Variants in LMX1A observed in about 807,000 individuals in gnomAD.
The protein encoded by LMX1A is LIM homeobox transcription factor 1-alpha.
A neutral mutation model predicts 49.1 loss-of-function variants in LMX1A; 15 were observed. That is an observed-to-expected ratio of 0.31 (90% confidence interval 0.20 to 0.47). The LOEUF (loss-of-function observed/expected upper bound fraction) is 0.47, where lower values mean the gene tolerates loss of function less well. Among genes scored for constraint, LMX1A ranks in the 20% least tolerant of loss-of-function variants. The pLI is 1.00. For synonymous variants in LMX1A, 167 were observed against 185.7 expected (o/e 0.90, Z 0.82); for missense variants, 372 against 475.8 (o/e 0.78, Z 2.03).
intron 3 of LMX1A, among the ~76,000 whole-genome samples, chr1:165,295,750 A>G (rs2101719892): frequency 6.6e-6 from 1 of 152,264 alleles, no homozygotes; most frequent in Middle Eastern, 3.4e-3. Flanking sequence ...CCTGCTGTTT[A>G]AGGAGAGGAT....
In LMX1A at chr1:165,205,854, T is replaced by A; in HGVS notation, c.988+10A>T. On this transcript the variant is annotated intron_variant, in intron 8 of 8. Coordinates refer to ENST00000342310, the MANE Select transcript of LMX1A (RefSeq NM_177398.4). Reference sequence around the variant, plus strand: ...TATGAGAGGGCCCGAGGGGCTTAAGTCCCTCTTACCATAAGGGTGCATGTG... The same window carrying A: ...TATGAGAGGGCCCGAGGGGCTTAAGACCCTCTTACCATAAGGGTGCATGTG... The A allele has an allele frequency of 6.2e-7, 1 of 1,613,062 alleles. No homozygotes were observed. The highest frequency in any genetic ancestry group is 8.5e-7 in the Non-Finnish European group (1 of 1,179,416).
chr1:165,220,570 G>A (rs551209669), intron 4 of LMX1A, among the ~76,000 whole-genome samples: 2 of 152,306 alleles, frequency 1.3e-5, no homozygotes, highest in South Asian at 4.1e-4. Flanking sequence ...AAGACACAGG[G>A]CATAGGTGGC....
rs190276100 is a variant in LMX1A at position 165,248,204 on chromosome 1, G to A, written c.496+1204C>T. 2.0e-5 allele frequency among the ~76,000 whole-genome samples: 3 copies of A among 152,318 alleles called. No homozygotes were observed. The South Asian group carries it at 6.2e-4, about 32-fold the overall frequency. Reference sequence around the variant, plus strand: ...AAGCTAGCAGGACAAAAGAGAGAGGGAAAGAGGCTGAAAAGGAATAGACTT... The same window carrying A: ...AAGCTAGCAGGACAAAAGAGAGAGGAAAAGAGGCTGAAAAGGAATAGACTT... On this transcript the variant is annotated intron_variant, in intron 4 of 8. Coordinates refer to ENST00000342310, the MANE Select transcript of LMX1A (RefSeq NM_177398.4).
intron 4 of LMX1A, among the ~76,000 whole-genome samples, chr1:165,235,418 A>ACACG (rs1262066868): frequency 1.4e-3 from 192 of 134,788 alleles, no homozygotes; most frequent in African/African-American, 4.4e-3. Flanking sequence ...ACACACACAC[A>ACACG]CACACTCACA....
At position 165,274,745 on chromosome 1, in the gene LMX1A, G is replaced by A. The variant is rs565204264; in HGVS notation, c.264-25105C>T. 6.6e-5 allele frequency among the ~76,000 whole-genome samples: 10 copies of A among 152,250 alleles called. No homozygotes were observed. The Middle Eastern group carries it at 0.014, about 207-fold the overall frequency. The stretch of plus-strand genomic sequence containing the variant: ...TTGCCATGGCGGTCACGGATGTAAC[G>A]TGCCATGAAGGTAAAACGTGAAATT... On this transcript the variant is annotated intron_variant, in intron 3 of 8. Transcript: ENST00000342310.
intron 3 of LMX1A, among the ~76,000 whole-genome samples, chr1:165,318,234 G>A (rs1655278428): frequency 6.6e-6 from 1 of 152,156 alleles, no homozygotes; most frequent in Admixed American, 6.5e-5. Flanking sequence ...TGAGGAAAGA[G>A]CAGTTTACTA....
rs915270274 is a variant in LMX1A at position 165,257,764 on chromosome 1, C to A, written c.264-8124G>T. ...AGTCCACCCAGAGAGAGGCTAAGAT[C>A]TTCATCAACCTCATCCCAAAGTCCT... is the stretch of plus-strand genomic sequence containing the variant. On this transcript the variant is annotated intron_variant, in intron 3 of 8. Transcript: ENST00000342310. Among the ~76,000 whole-genome samples, 4 of 152,204 alleles carry A rather than the reference C, an allele frequency of 2.6e-5. No individual in the cohort carries two copies. In the East Asian group the frequency reaches 7.7e-4, roughly 29 times the overall value.
intron 3 of LMX1A, among the ~76,000 whole-genome samples, chr1:165,288,314 G>A (rs1415726083): frequency 1.3e-5 from 2 of 152,198 alleles, no homozygotes; most frequent in African/African-American, 4.8e-5. Flanking sequence ...GGGGCAGAAA[G>A]GTGTCTCGGG....
chr1:165,227,693 G>C (rs1490817077), intron 4 of LMX1A, among the ~76,000 whole-genome samples: 2 of 152,064 alleles, frequency 1.3e-5, no homozygotes, highest in East Asian at 3.9e-4. Flanking sequence ...CCAAATTTCA[G>C]CTTCCTGTAC....
intron 3 of LMX1A, among the ~76,000 whole-genome samples, chr1:165,280,795 T>C (rs1352918013): frequency 6.6e-6 from 1 of 152,126 alleles, no homozygotes; most frequent in African/African-American, 2.4e-5. Flanking sequence ...ACTTTATTAT[T>C]ACTCAATGCA....
chr1:165,259,806 A>G (rs1653369535), intron 3 of LMX1A, among the ~76,000 whole-genome samples: 3 of 152,236 alleles, frequency 2.0e-5, no homozygotes, highest in Admixed American at 6.5e-5. Flanking sequence ...CAGGCTCTTA[A>G]GCAGTGTTCT....
At chr1:165,347,046 G>T (rs745309028) in intron 3 of LMX1A, among the ~76,000 whole-genome samples, 1 of 152,144 alleles carries the variant, frequency 6.6e-6, no homozygotes, top group African/African-American at 2.4e-5. Flanking sequence ...CAATGATAAC[G>T]TAACTAATTT....
intron 4 of LMX1A, among the ~76,000 whole-genome samples, chr1:165,228,888 C>A (rs1364402888): frequency 2.0e-5 from 3 of 152,084 alleles, no homozygotes; most frequent in African/African-American, 7.2e-5. Flanking sequence ...GAACTGGATA[C>A]CTTATCATCT....
At position 165,356,533 on chromosome 1, in the gene LMX1A, G is replaced by A. The variant is rs921787253; in HGVS notation, c.-201C>T. 1 of 152,126 alleles carries A rather than the reference G, an allele frequency of 6.6e-6. No individual in the cohort carries two copies. The highest frequency in any genetic ancestry group is 6.5e-5 in the Admixed American group (1 of 15,282). 9.4% of individuals were successfully genotyped at this position (152,126 alleles called of 1,614,324 possible). A position where few individuals can be genotyped will look rare whatever the true frequency, so the allele number is the denominator to read the frequency against. ...GGCCGCTGGCTCTGCTCCTCGGCGC[G>A]CCCAGGCTGGGCCGGGACGTGGTCG... On this transcript the variant is annotated 5_prime_UTR_variant, in exon 1 of 9. Coordinates refer to ENST00000342310, the MANE Select transcript of LMX1A (RefSeq NM_177398.4).
intron 3 of LMX1A, among the ~76,000 whole-genome samples, chr1:165,276,483 C>T (rs1185172248): frequency 6.6e-6 from 1 of 152,156 alleles, no homozygotes; most frequent in Non-Finnish European, 1.5e-5. Flanking sequence ...TGATTGATAG[C>T]AATTCTCATT....
At chr1:165,252,420 T>C (rs1653094653) in intron 3 of LMX1A, among the ~76,000 whole-genome samples, 1 of 152,228 alleles carries the variant, frequency 6.6e-6, no homozygotes, top group Admixed American at 6.5e-5. Context: ...TCTTTTTTCT[T>C]TTTAAAATTG....
At chr1:165,235,439 A>C (rs1036567424) in intron 4 of LMX1A, among the ~76,000 whole-genome samples, 1 of 148,960 alleles carries the variant, frequency 6.7e-6, no homozygotes, top group East Asian at 2.0e-4. Context: ...CTCACACACA[A>C]ATAAATCCCC....
Position 165,203,827 on chromosome 1 carries a change from A to G in LMX1A, c.*53T>C. 6.3e-7 allele frequency: 1 copy of G among 1,579,368 alleles called. No homozygotes were observed. Among genetic ancestry groups the G allele is most frequent in the Non-Finnish European group, 8.7e-7 (1 of 1,151,910 alleles). On this transcript the variant is annotated 3_prime_UTR_variant, in exon 9 of 9. Transcript: ENST00000342310. ...CTGTCCTAAAGCCAGTGACCCCTCA[A>G]AGAATATGGTTGTTCCATATGGGAG...
intron 3 of LMX1A, among the ~76,000 whole-genome samples, chr1:165,341,174 C>A (rs1439384969): frequency 6.6e-6 from 1 of 152,194 alleles, no homozygotes; most frequent in Non-Finnish European, 1.5e-5. Context: ...TGTTACACAA[C>A]ACTCATAGTG....
Sources: allele counts gnomAD v4.1 joint callset (sites outside exome capture counted in the v4.1 genomes callset), GRCh38; gene constraint gnomAD v4.1.1; transcripts MANE v1.5; gene names NCBI Gene and HGNC (gene_info 2026-07-23, HGNC 2026-07-21).